Variants in CHCHD3 observed in about 807,000 individuals in gnomAD.
CHCHD3 encodes coiled-coil-helix-coiled-coil-helix domain containing 3.
CHCHD3 carries 20 observed loss-of-function variants against 38.2 expected under a neutral mutation model. The ratio of observed to expected loss-of-function variants is 0.52; its 90% confidence interval spans 0.37 to 0.76. CHCHD3 has a LOEUF of 0.76. Ranked by LOEUF, CHCHD3 falls within the 30% of genes least tolerant of loss-of-function variation. The pLI, the probability that CHCHD3 is intolerant of heterozygous loss-of-function variation, is 0.00. For missense variants in CHCHD3, 245 were observed against 279.2 expected, an observed-to-expected ratio of 0.88 and a Z score of 0.87; for synonymous variants, 82 against 100.0, an observed-to-expected ratio of 0.82 and a Z score of 1.07.
intron 2 of CHCHD3, among the ~76,000 whole-genome samples, chr7:133,033,008 A>C (rs1038253765): frequency 1.3e-5 from 2 of 152,162 alleles, no homozygotes; most frequent in African/African-American, 2.4e-5. Flanking sequence ...TGACCAAGAA[A>C]AGTAATCAAT....
At chr7:132,943,566 T>C (rs1810823848) in intron 4 of CHCHD3, among the ~76,000 whole-genome samples, 2 of 152,032 alleles carry the variant, frequency 1.3e-5, no homozygotes, top group Non-Finnish European at 1.5e-5. Context: ...CAAGACTGAA[T>C]TAAAATTTCA....
At chr7:132,829,283 T>A (rs1308825984) in intron 6 of CHCHD3, among the ~76,000 whole-genome samples, 1 of 152,138 alleles carries the variant, frequency 6.6e-6, no homozygotes, top group Admixed American at 6.5e-5. Flanking sequence ...ATGATCTCAT[T>A]TAAAATATTA....
chr7:132,997,578 A>T (rs1812452161), intron 3 of CHCHD3, among the ~76,000 whole-genome samples: 1 of 151,204 alleles, frequency 6.6e-6, no homozygotes, highest in East Asian at 2.0e-4. Context: ...AAGAAAGAAC[A>T]ATTTTAGACA....
At position 132,938,199 on chromosome 7, in the gene CHCHD3, A is replaced by C. The variant is rs147254380; in HGVS notation, c.369+36970T>G. On this transcript the variant is annotated intron_variant, in intron 4 of 7. Coordinates refer to ENST00000262570, the MANE Select transcript of CHCHD3 (RefSeq NM_017812.4). ...AACAACTTACAAGGCACTTTCATCT[A>C]CATTATACCATATAATGCTCAAAAT... 6.1e-3 allele frequency among the ~76,000 whole-genome samples: 926 copies of C among 152,286 alleles called. 12 individuals carry two copies. The highest frequency in any genetic ancestry group is 0.021 in the African/African-American group (864 of 41,570).
At chr7:132,912,093 A>G (rs888920747) in intron 4 of CHCHD3, among the ~76,000 whole-genome samples, 3 of 152,178 alleles carry the variant, frequency 2.0e-5, no homozygotes, top group African/African-American at 7.2e-5. Context: ...TATCCTATCC[A>G]TTAATATGTA....
intron 4 of CHCHD3, among the ~76,000 whole-genome samples, chr7:132,898,898 G>A (rs1422374353): frequency 1.3e-5 from 2 of 152,312 alleles, no homozygotes; most frequent in Admixed American, 6.5e-5. Flanking sequence ...CGGCTGCTCC[G>A]AGTGCAGGGC....
At chr7:132,874,332 C>T (rs978285739) in intron 5 of CHCHD3, among the ~76,000 whole-genome samples, 9 of 152,164 alleles carry the variant, frequency 5.9e-5, no homozygotes, top group African/African-American at 1.2e-4. Flanking sequence ...GATACAAAGG[C>T]GCACTTTCTA....
At chr7:132,949,912 T>C (rs951941984) in intron 4 of CHCHD3, among the ~76,000 whole-genome samples, 47 of 152,234 alleles carry the variant, frequency 3.1e-4, no homozygotes, top group African/African-American at 8.9e-4. Flanking sequence ...AGTTAGAAGC[T>C]CTGGCCCTTC....
At chr7:132,917,794 G>T (rs1810148762) in intron 4 of CHCHD3, among the ~76,000 whole-genome samples, 2 of 141,006 alleles carry the variant, frequency 1.4e-5, no homozygotes, top group African/African-American at 5.3e-5. Context: ...GGGAGGCGGA[G>T]CTTGCAGTGA....
rs536209901 is a variant in CHCHD3, at chr7:132,788,065, G to A, written c.661-2405C>T. Among the ~76,000 whole-genome samples, 14 of 152,278 alleles carry A rather than the reference G, an allele frequency of 9.2e-5. No homozygotes were observed. The highest frequency in any genetic ancestry group is 2.1e-4 in the South Asian group (1 of 4,822). On this transcript the variant is annotated intron_variant, in intron 7 of 7. Transcript: ENST00000262570. This position sits in a 1 kb window ranked among gnomAD's most constrained non-coding sequence, Gnocchi z 4.0. ...AGACACCACCTGGCAGTGTCACAGCGTCACAGCATCTCAGCTATGCTCACC... is the reference window on the plus strand; with the variant it reads ...AGACACCACCTGGCAGTGTCACAGCATCACAGCATCTCAGCTATGCTCACC...
chr7:132,807,662 A>C, intron 6 of CHCHD3, among the ~76,000 whole-genome samples: 1 of 142,572 alleles, frequency 7.0e-6, no homozygotes, highest in African/African-American at 2.6e-5. Context: ...ATAAATACCT[A>C]CACTTGATCT....
At chr7:132,990,951 T>TACACACACACACAC (rs768136991) in intron 3 of CHCHD3, among the ~76,000 whole-genome samples, 1,904 of 143,742 alleles carry the variant, frequency 0.013, 46 homozygotes, top group East Asian at 0.046. Context: ...CAGACACACA[T>TACACACACACACAC]ACACACACAC....
chr7:132,807,836 C>T (rs1226112506), intron 6 of CHCHD3, among the ~76,000 whole-genome samples: 1 of 151,482 alleles, frequency 6.6e-6, no homozygotes, highest in Non-Finnish European at 1.5e-5. Flanking sequence ...GCATATATTG[C>T]TTATCAAGAA....
intron 3 of CHCHD3, among the ~76,000 whole-genome samples, chr7:132,994,744 G>C (rs1812372449): frequency 6.6e-6 from 1 of 152,124 alleles, no homozygotes; most frequent in Non-Finnish European, 1.5e-5. Flanking sequence ...TCTTACTTCT[G>C]AATAAAGATG....
At chr7:133,053,240 A>G (rs1395096323) in intron 2 of CHCHD3, among the ~76,000 whole-genome samples, 1 of 152,236 alleles carries the variant, frequency 6.6e-6, no homozygotes, top group East Asian at 1.9e-4. Flanking sequence ...GGGCTTAAAT[A>G]TCTATCAATA....
chr7:132,836,267 G>C (rs181540565), intron 6 of CHCHD3, among the ~76,000 whole-genome samples: 1 of 152,114 alleles, frequency 6.6e-6, no homozygotes, highest in Non-Finnish European at 1.5e-5. Flanking sequence ...TTACAGGCAT[G>C]CACCACCATG....
At chr7:132,796,877 C>A (rs1305398902) in intron 6 of CHCHD3, among the ~76,000 whole-genome samples, 1 of 152,136 alleles carries the variant, frequency 6.6e-6, no homozygotes, top group Non-Finnish European at 1.5e-5. Context: ...AACTTGGAAG[C>A]CCTAAGTTCT....
chr7:132,831,071 G>T (rs1807636708), intron 6 of CHCHD3, among the ~76,000 whole-genome samples: 1 of 152,154 alleles, frequency 6.6e-6, no homozygotes, highest in Admixed American at 6.6e-5. Context: ...CCAAATCCTT[G>T]CCTGAAGCCC....
At chr7:132,948,892 T>A (rs1183739840) in intron 4 of CHCHD3, among the ~76,000 whole-genome samples, 1 of 152,162 alleles carries the variant, frequency 6.6e-6, no homozygotes, top group South Asian at 2.1e-4. Flanking sequence ...TAGAATTCCA[T>A]TTGGTCCGTC....
Sources: gnomAD v4.1 joint callset for allele counts (sites outside exome capture counted in the v4.1 genomes callset) on GRCh38, gnomAD v4.1.1 for gene constraint, Gnocchi (gnomAD v3.1) non-coding constraint, MANE v1.5 for transcripts, NCBI Gene and HGNC (gene_info 2026-07-23, HGNC 2026-07-21) for gene names.